AAGAB: variants seen among roughly 807,000 people sequenced by gnomAD.
AAGAB encodes alpha- and gamma-adaptin-binding protein p34.
Under a neutral mutation model 44.1 loss-of-function variants are expected in AAGAB, and 38 were observed. The observed-to-expected ratio is 0.86, with a 90% confidence interval of 0.67 to 1.13. The LOEUF (loss-of-function observed/expected upper bound fraction) is 1.13. AAGAB is among the 50% of genes most tolerant of loss of function. The pLI is 0.00. For missense variants in AAGAB, 450 were observed against 373.8 expected (o/e 1.20, Z -1.68); for synonymous variants, 131 against 131.8 (o/e 0.99, Z 0.04).
At chr15:67,230,092 TC>T (rs2140370967) in intron 5 of AAGAB, among the ~76,000 whole-genome samples, 1 of 152,116 alleles carries the variant, frequency 6.6e-6, no homozygotes, top group East Asian at 1.9e-4. Context: ...GACCTTGTGA[TC>T]TGCCCACCTC....
At chr15:67,254,834 G>T, upstream of AAGAB, 1 of 1,548,934 alleles carries the variant, frequency 6.5e-7, no homozygotes, top group Admixed American at 1.8e-5. Context: ...GAGCGGCTCC[G>T]GCTGAAGGTT....
chr15:67,233,468 G>A (rs1385530301), intron 4 of AAGAB, among the ~76,000 whole-genome samples: 1 of 152,208 alleles, frequency 6.6e-6, no homozygotes, highest in Non-Finnish European at 1.5e-5. Flanking sequence ...TTGTAAGGCT[G>A]CGTCTGGAAA....
chr15:67,249,534 T>C (rs2140399814), intron 1 of AAGAB, among the ~76,000 whole-genome samples: 1 of 152,352 alleles, frequency 6.6e-6, no homozygotes, highest in East Asian at 1.9e-4. Flanking sequence ...GTATTTAATT[T>C]AATACACATA....
At chr15:67,250,057 A>T (rs1338907267) in intron 1 of AAGAB, among the ~76,000 whole-genome samples, 1 of 152,232 alleles carries the variant, frequency 6.6e-6, no homozygotes, top group African/African-American at 2.4e-5. Context: ...AAACCAAACA[A>T]GTTTCCAGGG....
At chr15:67,247,006 G>A (rs933885630) in intron 1 of AAGAB, among the ~76,000 whole-genome samples, 3 of 152,172 alleles carry the variant, frequency 2.0e-5, no homozygotes, top group Non-Finnish European at 4.4e-5. Flanking sequence ...CTTTGGGTCC[G>A]TACTACCTTT....
chr15:67,225,065 G>A (rs988912925), intron 5 of AAGAB, among the ~76,000 whole-genome samples: 4 of 152,074 alleles, frequency 2.6e-5, no homozygotes, highest in South Asian at 2.1e-4. Flanking sequence ...TTTGAATCCC[G>A]GAGGCACTTA....
chr15:67,228,563 T>C (rs1964258775), intron 5 of AAGAB, among the ~76,000 whole-genome samples: 1 of 152,346 alleles, frequency 6.6e-6, no homozygotes, highest in East Asian at 1.9e-4. Context: ...GAAAGCAGTT[T>C]GGAGACTTCT....
At chr15:67,229,242 G>A (rs966778704) in intron 5 of AAGAB, among the ~76,000 whole-genome samples, 1 of 152,076 alleles carries the variant, frequency 6.6e-6, no homozygotes, top group Admixed American at 6.5e-5. Flanking sequence ...GACCAGCCTG[G>A]CCAACATGGT....
chr15:67,237,248 A>G (rs1964492634), intron 1 of AAGAB, among the ~76,000 whole-genome samples: 1 of 152,234 alleles, frequency 6.6e-6, no homozygotes, highest in South Asian at 2.1e-4. Context: ...GGAAGATAGG[A>G]TTAAGGCTAA....
Position 67,203,592 on chromosome 15 carries a change from C to T in AAGAB, c.826G>A (p.Ala276Thr), listed in dbSNP as rs1963617761. ...FSKLKEMKDK[A>T]ATLPHEQRKV... ...CTTTGCTCATGAGGAAGCGTCGCAG[C>T]CTTGTCTAGGGGGAAAATATATCTT... Residue 276 changes from alanine (A) to threonine (T), a missense_variant, in exon 9 of 10, where the codon GCT (alanine) becomes ACT (threonine). By Grantham distance (58) the Ala-to-Thr change is moderately conservative (BLOSUM62 0). Transcript: ENST00000261880. The T allele has an allele frequency of 6.2e-7, 1 of 1,613,444 alleles. No individual in the cohort carries two copies. Among genetic ancestry groups the T allele is most frequent in the Non-Finnish European group, 8.5e-7 (1 of 1,179,772 alleles).
rs546413849 is a variant in AAGAB at position 67,251,426 on chromosome 15, A to G, written c.73+3133T>C. On this transcript the variant is annotated intron_variant, in intron 1 of 9. Transcript: ENST00000261880. ...GCCCGGCTAATTTGTTAACATTTTT[A>G]TTTTTATTTTGTAGAGACTAGGTCT... is the stretch of plus-strand genomic sequence containing the variant. 9.2e-5 allele frequency among the ~76,000 whole-genome samples: 14 copies of G among 152,116 alleles called. No individual in the cohort carries two copies. The East Asian group carries it at 2.5e-3, about 27-fold the overall frequency.
At chr15:67,247,960 T>C (rs1964768003) in intron 1 of AAGAB, among the ~76,000 whole-genome samples, 1 of 152,344 alleles carries the variant, frequency 6.6e-6, no homozygotes, top group Middle Eastern at 3.4e-3. Flanking sequence ...GACCATATTT[T>C]ACATGTATAG....
intron 1 of AAGAB, among the ~76,000 whole-genome samples, chr15:67,252,514 CA>C (rs1567035347): frequency 6.6e-6 from 1 of 151,874 alleles, no homozygotes; most frequent in Non-Finnish European, 1.5e-5. Context: ...TAAGAAACTG[CA>C]ATGGAAAAAA....
In AAGAB at chr15:67,202,790, T is replaced by C; in HGVS notation, c.*31A>G. 1 of 1,606,850 alleles carries C rather than the reference T, an allele frequency of 6.2e-7. No individual in the cohort carries two copies. The highest frequency in any genetic ancestry group is 8.5e-7 in the Non-Finnish European group (1 of 1,173,364). ...AGAGGTATCTCAGAGACAGCTAGCATCTTTGTTGGTCAAACCCTAGTATGA... is the reference window on the plus strand; with the variant it reads ...AGAGGTATCTCAGAGACAGCTAGCACCTTTGTTGGTCAAACCCTAGTATGA... On this transcript the variant is annotated 3_prime_UTR_variant, in exon 10 of 10. Coordinates refer to ENST00000261880, the MANE Select transcript of AAGAB (RefSeq NM_024666.5).
chr15:67,246,014 A>G (rs1964712515), intron 1 of AAGAB, among the ~76,000 whole-genome samples: 1 of 152,210 alleles, frequency 6.6e-6, no homozygotes, highest in African/African-American at 2.4e-5. Flanking sequence ...ACCAGCCATC[A>G]GGTCTGTATG....
At chr15:67,206,473 A>T (rs1035519278) in intron 7 of AAGAB, among the ~76,000 whole-genome samples, 90 of 152,334 alleles carry the variant, frequency 5.9e-4, no homozygotes, top group Non-Finnish European at 1.1e-3. Context: ...TATGCTACCA[A>T]GAACTATTAC....
At chr15:67,216,048 T>C (rs1963936566) in intron 5 of AAGAB, among the ~76,000 whole-genome samples, 1 of 152,172 alleles carries the variant, frequency 6.6e-6, no homozygotes, top group Admixed American at 6.5e-5. Flanking sequence ...TTTGAACATA[T>C]AATGAACATG....
intron 1 of AAGAB, among the ~76,000 whole-genome samples, chr15:67,250,123 T>A: frequency 6.6e-6 from 1 of 152,330 alleles, no homozygotes; most frequent in South Asian, 2.1e-4. Flanking sequence ...AAAACTTACA[T>A]ATCTTCATTT....
chr15:67,250,110 G>A (rs1408344080), intron 1 of AAGAB, among the ~76,000 whole-genome samples: 2 of 152,300 alleles, frequency 1.3e-5, no homozygotes, highest in East Asian at 3.9e-4. Context: ...AGAGTAAGAT[G>A]TTAAAACTTA....
Sources: gnomAD v4.1 joint callset for allele counts (sites outside exome capture counted in the v4.1 genomes callset) on GRCh38, gnomAD v4.1.1 for gene constraint, MANE v1.5 for transcripts, NCBI Gene and HGNC (gene_info 2026-07-23, HGNC 2026-07-21) for gene names.